The following GRIN2B variants were observed in gnomAD, a reference collection of about 807,000 sequenced individuals.
The protein encoded by GRIN2B is glutamate receptor ionotropic, NMDA 2B.
GRIN2B carries 5 observed loss-of-function variants against 114.5 expected under a neutral mutation model. That is an observed-to-expected ratio of 0.04 (90% CI 0.02 to 0.09). The LOEUF is 0.09. Ranked by LOEUF, GRIN2B falls within the 10% of genes least tolerant of loss-of-function variation. The pLI is 1.00. For synonymous variants in GRIN2B, 787 were observed against 745.1 expected, an observed-to-expected ratio of 1.06 and a Z score of -0.92; for missense variants, 1,108 against 1,943.5, an observed-to-expected ratio of 0.57 and a Z score of 8.08.
intron 4 of GRIN2B, among the ~76,000 whole-genome samples, chr12:13,731,114 G>T (rs1863080914): frequency 6.6e-6 from 1 of 152,106 alleles, no homozygotes; most frequent in Non-Finnish European, 1.5e-5. Context: ...TTTCTCAGCT[G>T]GGCCACTGAC....
intron 4 of GRIN2B, among the ~76,000 whole-genome samples, chr12:13,693,511 T>A (rs997534312): frequency 1.6e-4 from 24 of 152,118 alleles, no homozygotes; most frequent in Admixed American, 5.9e-4. Flanking sequence ...GCAGCACTCG[T>A]GGAGAGCCCA....
chr12:13,906,048 C>T (rs891563349), intron 2 of GRIN2B, among the ~76,000 whole-genome samples: 2 of 152,172 alleles, frequency 1.3e-5, no homozygotes, highest in Non-Finnish European at 2.9e-5. Flanking sequence ...TCAGCAAATA[C>T]CGTTGGGTAA....
chr12:13,659,891 A>G (rs1182029877), intron 5 of GRIN2B, among the ~76,000 whole-genome samples: 1 of 152,212 alleles, frequency 6.6e-6, no homozygotes, highest in Non-Finnish European at 1.5e-5. Context: ...TTAGTGGTAT[A>G]AAGCACAAAT....
chr12:13,656,856 C>T (rs912937116), intron 5 of GRIN2B, among the ~76,000 whole-genome samples: 1 of 152,166 alleles, frequency 6.6e-6, no homozygotes, highest in African/African-American at 2.4e-5. Context: ...TTTAATCCAA[C>T]CCTCTTGTTT....
rs188251290 is a variant in GRIN2B at position 13,850,757 on chromosome 12, G to T, written c.411+15041C>A. Among the ~76,000 whole-genome samples, 17 of 152,282 alleles carry T rather than the reference G, an allele frequency of 1.1e-4. No homozygotes were observed. The East Asian group carries it at 3.1e-3, about 28-fold the overall frequency. On this transcript the variant is annotated intron_variant, in intron 3 of 13. Coordinates refer to ENST00000609686, the MANE Select transcript of GRIN2B (RefSeq NM_000834.5). ...GCTAAATGCTTGATGTCCCAGGAGG[G>T]CTGAATAAATAAAAGTGTTCAAAAT...
chr12:13,597,019 A>G (rs1379693109), intron 10 of GRIN2B, among the ~76,000 whole-genome samples: 1 of 152,252 alleles, frequency 6.6e-6, no homozygotes, highest in Non-Finnish European at 1.5e-5. Flanking sequence ...ACAGGGGCAG[A>G]TGCAGGCTGT....
chr12:13,675,187 T>C (rs1175543411), intron 5 of GRIN2B, among the ~76,000 whole-genome samples: 1 of 152,114 alleles, frequency 6.6e-6, no homozygotes, highest in South Asian at 2.1e-4. Flanking sequence ...CATCAAGTAG[T>C]GAAGAGATTT....
rs1251761189 is a variant in GRIN2B at position 13,538,089 on chromosome 12, A to G, written c.*24694T>C. 6.6e-6 allele frequency: 1 copy of G among 152,244 alleles called. No individual in the cohort carries two copies. The highest frequency in any genetic ancestry group is 1.5e-5 in the Non-Finnish European group (1 of 68,040). 9.4% of individuals were successfully genotyped at this position (152,244 alleles called of 1,614,324 possible). ...TGTAAAAGAATAGGGGAATAGAAAT[A>G]TTCAAATCAAGTGTTCAGGGTAGGT... is the stretch of plus-strand genomic sequence containing the variant. On this transcript the variant is annotated 3_prime_UTR_variant, in exon 14 of 14. Coordinates refer to ENST00000609686, the MANE Select transcript of GRIN2B (RefSeq NM_000834.5).
chr12:13,936,518 T>C (rs1350473248), intron 2 of GRIN2B, among the ~76,000 whole-genome samples: 2 of 152,126 alleles, frequency 1.3e-5, no homozygotes, highest in Admixed American at 6.6e-5. Context: ...AGATATGTAA[T>C]AACAAAGCAT....
In GRIN2B at chr12:13,950,320, T is replaced by C. The variant is rs559015499; in HGVS notation, c.-19+29608A>G. Among the ~76,000 whole-genome samples, 13 of 152,308 alleles carry C rather than the reference T, an allele frequency of 8.5e-5. No individual in the cohort carries two copies. The South Asian group carries it at 2.7e-3, about 32-fold the overall frequency. ...CAGCCCAGGCTCAGCCCCAAAGGAC[T>C]GTAGCATTGGGGTTGTAAGTGGGAG... On this transcript the variant is annotated intron_variant, in intron 2 of 13. Transcript: ENST00000609686.
intron 3 of GRIN2B, among the ~76,000 whole-genome samples, chr12:13,813,860 T>C (rs112307648): frequency 0.024 from 3,681 of 152,340 alleles, 76 homozygotes; most frequent in Non-Finnish European, 0.032. Flanking sequence ...CTTTCTTTTT[T>C]CCTTGCTTTT....
chr12:13,964,992 A>G (rs558087091), intron 2 of GRIN2B, among the ~76,000 whole-genome samples: 1 of 152,310 alleles, frequency 6.6e-6, no homozygotes, highest in South Asian at 2.1e-4. Flanking sequence ...ACCACATAGC[A>G]TCTTTGGCAT....
At position 13,895,063 on chromosome 12, in the gene GRIN2B, T is replaced by C. The variant is rs192036655; in HGVS notation, c.-18-28837A>G. On this transcript the variant is annotated intron_variant, in intron 2 of 13. Transcript: ENST00000609686. Reference sequence around the variant, plus strand: ...AGGCATATGTACTTTGTGTAATTTTTGTGAATGTGTGCACATTGTGTAAAT... The same window carrying C: ...AGGCATATGTACTTTGTGTAATTTTCGTGAATGTGTGCACATTGTGTAAAT... 2.5e-3 allele frequency among the ~76,000 whole-genome samples: 376 copies of C among 152,324 alleles called. 3 individuals carry two copies. Among genetic ancestry groups the C allele is most frequent in the Middle Eastern group, 3.4e-3 (1 of 294 alleles).
At chr12:13,572,551 T>C (rs1054504134) in intron 10 of GRIN2B, among the ~76,000 whole-genome samples, 6 of 152,168 alleles carry the variant, frequency 3.9e-5, no homozygotes, top group African/African-American at 1.4e-4. Context: ...AACTGTACAA[T>C]CAAAGACAAT....
At chr12:13,656,462 G>A (rs1252244761) in intron 5 of GRIN2B, among the ~76,000 whole-genome samples, 2 of 152,220 alleles carry the variant, frequency 1.3e-5, no homozygotes, top group Non-Finnish European at 2.9e-5. Flanking sequence ...CTTCCAGGAA[G>A]GAGACACAAA....
rs372948198 is a variant in GRIN2B, at chr12:13,564,954, G to A, written c.2599-315C>T. Among the ~76,000 whole-genome samples the A allele has an allele frequency of 1.8e-4, 27 of 152,270 alleles. No individual in the cohort carries two copies. Among genetic ancestry groups the A allele is most frequent in the Admixed American group, 1.2e-3 (18 of 15,304 alleles). On this transcript the variant is annotated intron_variant, in intron 13 of 13. Coordinates refer to ENST00000609686, the MANE Select transcript of GRIN2B (RefSeq NM_000834.5). This position sits in a 1 kb window ranked among gnomAD's most constrained non-coding sequence, Gnocchi z 4.8. ...GCCTCAGCTTCACTGTTGACTTACC[G>A]TGGTTTTCTATGCCTAGATTTTCAC...
At chr12:13,781,223 G>T (rs987504889) in intron 3 of GRIN2B, among the ~76,000 whole-genome samples, 4 of 152,148 alleles carry the variant, frequency 2.6e-5, no homozygotes, top group Non-Finnish European at 5.9e-5. Flanking sequence ...CAGTTGGCAA[G>T]AATCAAACTT....
intron 3 of GRIN2B, among the ~76,000 whole-genome samples, chr12:13,785,862 A>G (rs1270595995): frequency 6.6e-6 from 1 of 152,210 alleles, no homozygotes; most frequent in Non-Finnish European, 1.5e-5. Context: ...ATCTACTAAG[A>G]GGCAGAGCTA....
In GRIN2B at chr12:13,547,582, AGAAAG is replaced by A. The variant is rs1207006998; in HGVS notation, c.*15196_*15200del. On this transcript the variant is annotated 3_prime_UTR_variant, in exon 14 of 14. Coordinates refer to ENST00000609686, the MANE Select transcript of GRIN2B (RefSeq NM_000834.5). ...CATTATGTAACAAAGAGAATAAAAAAGAAAGGAAAGGAGAAAACAATAATTGGCCT... is the reference window on the plus strand; with the variant it reads ...CATTATGTAACAAAGAGAATAAAAAAGAAAGGAGAAAACAATAATTGGCCT... 2 of 152,224 alleles carry A rather than the reference AGAAAG, an allele frequency of 1.3e-5. No individual in the cohort carries two copies. The highest frequency in any genetic ancestry group is 4.8e-5 in the African/African-American group (2 of 41,458). 9.4% of individuals were successfully genotyped at this position (152,224 alleles called of 1,614,324 possible). A position where few individuals can be genotyped will look rare whatever the true frequency, so the allele number is the denominator to read the frequency against.
Sources: gnomAD v4.1 joint callset for allele counts (sites outside exome capture counted in the v4.1 genomes callset) on GRCh38, gnomAD v4.1.1 for gene constraint, Gnocchi (gnomAD v3.1) non-coding constraint, MANE v1.5 for transcripts, NCBI Gene and HGNC (gene_info 2026-07-23, HGNC 2026-07-21) for gene names.